The following ARHGAP17 variants were observed in gnomAD, a reference collection of about 807,000 sequenced individuals.
ARHGAP17 encodes rho GTPase-activating protein 17.
Under a neutral mutation model 99.5 loss-of-function variants are expected in ARHGAP17, and 57 were observed. The ratio of observed to expected loss-of-function variants is 0.57; its 90% CI spans 0.46 to 0.71. The LOEUF (loss-of-function observed/expected upper bound fraction) is 0.71. Ranked by LOEUF, ARHGAP17 falls within the 30% of genes least tolerant of loss-of-function variation. The probability of loss-of-function intolerance (pLI) is 0.00; values close to 1 mark genes in which losing one functional copy is unlikely to be tolerated. For missense variants in ARHGAP17, 1,000 were observed against 1,122.4 expected (o/e 0.89, Z 1.56); for synonymous variants, 417 against 429.6 (o/e 0.97, Z 0.36).
At chr16:24,927,569 T>C in intron 19 of ARHGAP17, 1 of 315,314 alleles carries the variant, frequency 3.2e-6, no homozygotes, top group Non-Finnish European at 5.7e-6. Flanking sequence ...CATGCACTAT[T>C]AGTAGGGATG....
chr16:25,011,398 G>A (rs560149263), intron 1 of ARHGAP17, among the ~76,000 whole-genome samples: 1 of 152,292 alleles, frequency 6.6e-6, no homozygotes, highest in Admixed American at 6.5e-5. Context: ...AGTGGACACA[G>A]TGCCTACCTA....
At chr16:24,966,165 C>T (rs759651223) in intron 6 of ARHGAP17, among the ~76,000 whole-genome samples, 8 of 152,196 alleles carry the variant, frequency 5.3e-5, no homozygotes, top group Admixed American at 1.3e-4. Context: ...AAAGATGTAT[C>T]GCAGGGTGGC....
chr16:24,972,941 T>C (rs938204598), intron 3 of ARHGAP17, among the ~76,000 whole-genome samples: 2 of 151,676 alleles, frequency 1.3e-5, no homozygotes, highest in African/African-American at 4.8e-5. Context: ...GGGATAATTT[T>C]TTTTTTTTTT....
At chr16:24,983,855 G>C (rs1170905239) in intron 1 of ARHGAP17, among the ~76,000 whole-genome samples, 2 of 152,130 alleles carry the variant, frequency 1.3e-5, no homozygotes, top group African/African-American at 4.8e-5. Context: ...TACCAGGCAG[G>C]ATCTTTAATT....
chr16:24,940,355 G>GA (rs907153700), intron 16 of ARHGAP17, among the ~76,000 whole-genome samples: 9 of 152,248 alleles, frequency 5.9e-5, no homozygotes, highest in African/African-American at 1.9e-4. Context: ...ATGAGATGTA[G>GA]AAACAATCCT....
intron 1 of ARHGAP17, among the ~76,000 whole-genome samples, chr16:25,002,810 A>T (rs2053398569): frequency 6.6e-6 from 1 of 152,154 alleles, no homozygotes; most frequent in Non-Finnish European, 1.5e-5. Context: ...AGGCCAAGGC[A>T]GGTGGATCAC....
chr16:24,982,980 A>ATATATATATATATATT (rs1555467416), intron 1 of ARHGAP17, among the ~76,000 whole-genome samples: 70 of 16,870 alleles, frequency 4.1e-3, no homozygotes, highest in African/African-American at 7.2e-3. Flanking sequence ...ATATATATAT[A>ATATATATATATATATT]TATATATATA....
At chr16:24,978,909 T>G (rs975840194) in intron 2 of ARHGAP17, 57 bp downstream of exon 2, 1 of 1,234,782 alleles carries the variant, frequency 8.1e-7, no homozygotes, top group South Asian at 1.5e-5. Flanking sequence ...AATTCTCACA[T>G]AGGAATTTTT....
chr16:24,935,359 C>A, intron 18 of ARHGAP17, 111 bp downstream of exon 18: 1 of 1,279,524 alleles, frequency 7.8e-7, no homozygotes, highest in Non-Finnish European at 1.0e-6. Flanking sequence ...TGGGATTTTA[C>A]AACAGACATA....
chr16:24,947,887 C>T (rs192534399), intron 13 of ARHGAP17, among the ~76,000 whole-genome samples: 1 of 152,268 alleles, frequency 6.6e-6, no homozygotes, highest in East Asian at 1.9e-4. Context: ...ATCTATTCTA[C>T]CCCTATTATA....
chr16:25,004,685 A>G (rs1018150724), intron 1 of ARHGAP17, among the ~76,000 whole-genome samples: 25 of 152,232 alleles, frequency 1.6e-4, no homozygotes, highest in African/African-American at 5.8e-4. Flanking sequence ...AAGAACACTG[A>G]GTAACTACAG....
At chr16:24,954,060 C>T (rs920605490) in intron 10 of ARHGAP17, among the ~76,000 whole-genome samples, 1 of 152,020 alleles carries the variant, frequency 6.6e-6, no homozygotes, top group Non-Finnish European at 1.5e-5. Flanking sequence ...AAAAGCCTTG[C>T]ATTTTGATTC....
rs550188021 is a variant in ARHGAP17 at position 24,946,022 on chromosome 16, C to T, written c.1241+1460G>A. ...TTCTAATCAATTTCTCCTTTATGTC[C>T]TCTATTCAAAAGGTTACTTCTGATT... On this transcript the variant is annotated intron_variant, in intron 14 of 19. Transcript: ENST00000289968. 3.8e-4 allele frequency among the ~76,000 whole-genome samples: 57 copies of T among 151,768 alleles called. 1 individual carries two copies. Among genetic ancestry groups the T allele is most frequent in the Non-Finnish European group, 2.9e-5 (2 of 68,022 alleles).
chr16:25,002,600 A>T (rs2141488046), intron 1 of ARHGAP17, among the ~76,000 whole-genome samples: 1 of 152,320 alleles, frequency 6.6e-6, no homozygotes, highest in Middle Eastern at 3.4e-3. Flanking sequence ...ACAGATGACG[A>T]CAGAAGCCAA....
At chr16:25,008,111 A>G (rs569854152) in intron 1 of ARHGAP17, among the ~76,000 whole-genome samples, 1 of 152,350 alleles carries the variant, frequency 6.6e-6, no homozygotes, top group African/African-American at 2.4e-5. Context: ...AAAATTTAAC[A>G]GACTCTCAAT....
intron 19 of ARHGAP17, 151 bp downstream of exon 19, chr16:24,930,633 T>C: frequency 7.4e-7 from 1 of 1,343,088 alleles, no homozygotes; most frequent in Non-Finnish European, 1.1e-6. Context: ...AATAAAACTT[T>C]AATGACAAAA....
intron 15 of ARHGAP17, among the ~76,000 whole-genome samples, chr16:24,943,108 C>T (rs879376690): frequency 6.6e-6 from 1 of 152,204 alleles, no homozygotes; most frequent in Non-Finnish European, 1.5e-5. Context: ...ACTTGCCTGG[C>T]CAGCATCCCC....
intron 19 of ARHGAP17, chr16:24,927,785 T>G (rs1597357508): frequency 2.5e-6 from 2 of 787,996 alleles, no homozygotes; most frequent in East Asian, 1.4e-4. Flanking sequence ...TAAAATCTAT[T>G]ACTTCAAAAA....
chr16:24,974,961 AC>A (rs2052471665), intron 3 of ARHGAP17, among the ~76,000 whole-genome samples: 5 of 152,240 alleles, frequency 3.3e-5, no homozygotes, highest in Admixed American at 3.3e-4. Flanking sequence ...AGCCTGGGCA[AC>A]AGATGAGACC....
Sources: gnomAD v4.1 joint callset for allele counts (sites outside exome capture counted in the v4.1 genomes callset) on GRCh38, gnomAD v4.1.1 for gene constraint, MANE v1.5 for transcripts, NCBI Gene and HGNC (gene_info 2026-07-23, HGNC 2026-07-21) for gene names.